PIR: variants seen among roughly 807,000 people sequenced by gnomAD.
PIR encodes the protein pirin (iron-binding nuclear protein).
Under a neutral mutation model 24.2 loss-of-function variants are expected in PIR, and 22 were observed. The observed-to-expected ratio is 0.91, with a 90% CI of 0.65 to 1.30. The LOEUF is 1.30. Among genes scored for constraint, PIR ranks in the 50% most tolerant of loss-of-function variants. The probability of loss-of-function intolerance (pLI) is 0.00; values close to 1 mark genes in which losing one functional copy is unlikely to be tolerated. For missense variants in PIR, 220 were observed against 220.3 expected (o/e 1.00, Z 0.01); for synonymous variants, 80 against 79.6 (o/e 1.00, Z -0.03).
chrX:15,388,929 C>CTGAT (rs1473392860), intron 9 of PIR, among the ~76,000 whole-genome samples: 2 of 111,938 alleles, frequency 1.8e-5, no homozygotes, highest in African/African-American at 6.5e-5. Context: ...TTTATTTTGT[C>CTGAT]TGATTACTCC....
chrX:15,387,068 CT>C (rs1390976014), intron 9 of PIR, among the ~76,000 whole-genome samples: 2 of 62,085 alleles, frequency 3.2e-5, no homozygotes, highest in African/African-American at 1.3e-4. Flanking sequence ...TTTTTCTTTT[CT>C]TTTCTTTTTT....
chrX:15,485,559 C>A (rs1056250237), intron 2 of PIR, among the ~76,000 whole-genome samples: 2 of 111,841 alleles, frequency 1.8e-5, no homozygotes, highest in Non-Finnish European at 3.8e-5. Flanking sequence ...TTCTGGTCAC[C>A]AATCCATGAA....
intron 8 of PIR, among the ~76,000 whole-genome samples, chrX:15,395,959 C>T (rs1406185936): frequency 2.7e-5 from 3 of 111,708 alleles, no homozygotes; most frequent in Non-Finnish European, 5.6e-5. Flanking sequence ...TCTATGTTGG[C>T]TGCACCTGTT....
intron 4 of PIR, among the ~76,000 whole-genome samples, 182 bp downstream of exon 4, chrX:15,459,475 G>A (rs1204752312): frequency 8.9e-6 from 1 of 112,236 alleles, no homozygotes; most frequent in Non-Finnish European, 1.9e-5. Flanking sequence ...AGGAAAGTGT[G>A]AAAGAAGAAT....
chrX:15,388,010 G>A (rs1169853662), intron 9 of PIR, among the ~76,000 whole-genome samples: 1 of 111,787 alleles, frequency 8.9e-6, no homozygotes, highest in Non-Finnish European at 1.9e-5. Flanking sequence ...TGGAAGCTTA[G>A]AGTCCCCTAA....
At chrX:15,411,325 T>C (rs921416458) in intron 6 of PIR, among the ~76,000 whole-genome samples, 1 of 111,360 alleles carries the variant, frequency 9.0e-6, no homozygotes, top group Non-Finnish European at 1.9e-5. Context: ...TTAAAAAATA[T>C]GTAAATCATT....
rs756236867 is a variant in PIR at position 15,396,785 on chromosome X, A to G, written c.693+664T>C. Among the ~76,000 whole-genome samples, 7 of 105,138 alleles carry G rather than the reference A, an allele frequency of 6.7e-5. No homozygotes were observed. The East Asian group carries it at 1.8e-3, about 27-fold the overall frequency. The allele number at this position is 105,138 out of a possible 115,157, so 91.3% of individuals were successfully genotyped here. ...GAGACGGAGTCTCACTGTGTTGCCC[A>G]GCTGGAGTGCAGTGGCGCAATCTCG... On this transcript the variant is annotated intron_variant, in intron 8 of 9. Coordinates refer to ENST00000380420, the MANE Select transcript of PIR (RefSeq NM_001018109.3).
intron 5 of PIR, among the ~76,000 whole-genome samples, chrX:15,432,659 T>A (rs903751886): frequency 8.9e-6 from 1 of 112,027 alleles, no homozygotes; most frequent in African/African-American, 3.2e-5. Context: ...TAGGCCATAG[T>A]ATGGCATTTA....
intron 3 of PIR, among the ~76,000 whole-genome samples, chrX:15,470,760 C>T (rs1484257037): frequency 9.1e-6 from 1 of 109,890 alleles, no homozygotes; most frequent in Non-Finnish European, 1.9e-5. Context: ...CACCACCACG[C>T]CCAGCTAATT....
intron 3 of PIR, among the ~76,000 whole-genome samples, chrX:15,460,111 G>A (rs1376394943): frequency 9.0e-6 from 1 of 111,652 alleles, no homozygotes; most frequent in African/African-American, 3.3e-5. Flanking sequence ...TGGTGAGGGT[G>A]TGGAGAAAAG....
intron 6 of PIR, among the ~76,000 whole-genome samples, chrX:15,412,034 T>A (rs944903229): frequency 8.9e-6 from 1 of 111,820 alleles, no homozygotes; most frequent in Admixed American, 9.6e-5. Context: ...ATTTTCAGTA[T>A]GTATTTCCTA....
In PIR at chrX:15,399,117, G is replaced by A. The variant is rs141896736; in HGVS notation, c.611-1586C>T. On this transcript the variant is annotated intron_variant, in intron 7 of 9. Transcript: ENST00000380420. ...TGGGAAAAACCCTGATATGTTAATG[G>A]GCAGGAGAGAGAAGGTTTCAAATTG... 8.6e-3 allele frequency among the ~76,000 whole-genome samples: 953 copies of A among 111,395 alleles called. 10 individuals carry two copies. Among genetic ancestry groups the A allele is most frequent in the South Asian group, 0.02 (52 of 2,632 alleles).
chrX:15,432,892 T>C (rs923527693), intron 5 of PIR, among the ~76,000 whole-genome samples: 2 of 112,046 alleles, frequency 1.8e-5, no homozygotes, highest in Non-Finnish European at 3.8e-5. Context: ...GCTGAGGGAC[T>C]AGATGCAGTG....
chrX:15,406,764 C>G, intron 7 of PIR, among the ~76,000 whole-genome samples: 1 of 111,707 alleles, frequency 9.0e-6, no homozygotes. Flanking sequence ...CCAGGCTGCT[C>G]TGCAAGCCCC....
chrX:15,386,548 C>A lies in PIR; in HGVS notation c.761-1432G>T, dbSNP rs186215982. On this transcript the variant is annotated intron_variant, in intron 9 of 9. Transcript: ENST00000380420. ...CTATCACACAGATATGAAAAGAAAT[C>A]ATTACAAAACTGTTTGAAATATGGA... 4.2e-3 allele frequency among the ~76,000 whole-genome samples: 469 copies of A among 112,045 alleles called. 3 individuals carry two copies. The highest frequency in any genetic ancestry group is 0.015 in the African/African-American group (451 of 30,820).
chrX:15,387,480 A>G (rs947432332), intron 9 of PIR, among the ~76,000 whole-genome samples: 12 of 111,278 alleles, frequency 1.1e-4, no homozygotes, highest in African/African-American at 3.9e-4. Context: ...TGTTGAAACT[A>G]TGGATCTGGA....
At chrX:15,484,376 A>C (rs1922695716) in intron 2 of PIR, among the ~76,000 whole-genome samples, 1 of 89,432 alleles carries the variant, frequency 1.1e-5, no homozygotes, top group African/African-American at 4.3e-5. Context: ...GTGCGATGGC[A>C]TGATCTCGAC....
At position 15,397,329 on chromosome X, in the gene PIR, G is replaced by A. The variant is rs1242937142; in HGVS notation, c.693+120C>T. ...AATGAAAAGACATGATAAACTTCTG[G>A]TATAATTTCTTCTCCAAGGAAGAGA... On this transcript the variant is annotated intron_variant, in intron 8 of 9. Transcript: ENST00000380420. 5 of 519,243 alleles carry A rather than the reference G, an allele frequency of 9.6e-6. No individual in the cohort carries two copies. The East Asian group carries it at 1.7e-4, about 18-fold the overall frequency. The allele number at this position is 519,243 out of a possible 1,213,427, so 42.8% of individuals were successfully genotyped here. A position where few individuals can be genotyped will look rare whatever the true frequency, so the allele number is the denominator to read the frequency against.
intron 3 of PIR, among the ~76,000 whole-genome samples, chrX:15,467,355 ACGT>A (rs1921653500): frequency 8.9e-6 from 1 of 112,547 alleles, no homozygotes; most frequent in East Asian, 2.8e-4. Flanking sequence ...ATTGCCAGTA[ACGT>A]ATGTGCTGGG....
Sources: allele counts gnomAD v4.1 joint callset (sites outside exome capture counted in the v4.1 genomes callset), GRCh38; gene constraint gnomAD v4.1.1; transcripts MANE v1.5; gene names NCBI Gene and HGNC (gene_info 2026-07-23, HGNC 2026-07-21).